Variants in PRKCZ observed in about 807,000 individuals in gnomAD.
The protein encoded by PRKCZ is protein kinase C zeta, also known as protein kinase C zeta type.
In PRKCZ, 33 loss-of-function variants were observed where a neutral mutation model predicts 79.5. The observed-to-expected ratio is 0.41, with a 90% CI of 0.31 to 0.55. The LOEUF (loss-of-function observed/expected upper bound fraction) is 0.55. Ranked by LOEUF, PRKCZ falls within the 20% of genes least tolerant of loss-of-function variation. The pLI is 0.19. For synonymous variants in PRKCZ, 342 were observed against 320.9 expected (o/e 1.07, Z -0.70); for missense variants, 578 against 813.5 (o/e 0.71, Z 3.52).
intron 4 of PRKCZ, among the ~76,000 whole-genome samples, chr1:2,108,644 G>A (rs903633063): frequency 6.6e-6 from 1 of 152,234 alleles, no homozygotes; most frequent in Admixed American, 6.5e-5. Flanking sequence ...TTGAGTAGTT[G>A]GCCTGGTGGC....
chr1:2,055,817 A>G (rs747593007), intron 2 of PRKCZ: 21 of 443,452 alleles, frequency 4.7e-5, no homozygotes, highest in Non-Finnish European at 7.9e-5. Flanking sequence ...TCCCTGCCCC[A>G]CCCTGGGCAG....
chr1:2,092,359 G>A (rs1488947369), intron 4 of PRKCZ, among the ~76,000 whole-genome samples: 1 of 152,178 alleles, frequency 6.6e-6, no homozygotes, highest in East Asian at 1.9e-4. Flanking sequence ...GGAGTCCGAC[G>A]TTCCCGCCTC....
intron 4 of PRKCZ, among the ~76,000 whole-genome samples, chr1:2,101,608 G>A (rs572213100): frequency 6.6e-6 from 1 of 152,328 alleles, no homozygotes; most frequent in East Asian, 1.9e-4. Context: ...CAGGGCCCGG[G>A]GCAAAGGTCT....
In PRKCZ at chr1:2,082,106, A is replaced by C; in HGVS notation, c.334+22515A>C. 3.2e-6 allele frequency: 1 copy of C among 313,994 alleles called. No individual in the cohort carries two copies. The highest frequency in any genetic ancestry group is 2.6e-5 in the South Asian group (1 of 37,870). 19.5% of individuals were successfully genotyped at this position (313,994 alleles called of 1,614,324 possible). On this transcript the variant is annotated intron_variant, in intron 4 of 17. Transcript: ENST00000378567. This position sits in a 1 kb window ranked among gnomAD's most constrained non-coding sequence, Gnocchi z 4.4. The stretch of plus-strand genomic sequence containing the variant: ...ACACAGTCGTGCCAAGAAGGCGCCT[A>C]AGTGTCTTTCCACACGGCCATCCGA...
chr1:2,164,079 G>A (rs902908266), intron 10 of PRKCZ, among the ~76,000 whole-genome samples: 12 of 152,164 alleles, frequency 7.9e-5, no homozygotes, highest in Non-Finnish European at 1.6e-4. Flanking sequence ...CCCTGTCTTA[G>A]TGTGCTACTC....
At position 2,149,573 on chromosome 1, in the gene PRKCZ, A is replaced by G. The variant is rs763322766; in HGVS notation, c.687+649A>G. On this transcript the variant is annotated intron_variant, in intron 8 of 17. Transcript: ENST00000378567. The surrounding 1 kb of genome is among the most constrained non-coding windows in gnomAD (Gnocchi z 4.1). Reference sequence around the variant, plus strand: ...GAGGCCGGGGCACTTAGAAAGCAGAATCTGAGGCTGAGCACGGCGACTCAC... The same window carrying G: ...GAGGCCGGGGCACTTAGAAAGCAGAGTCTGAGGCTGAGCACGGCGACTCAC... Among the ~76,000 whole-genome samples the G allele has an allele frequency of 1.3e-5, 2 of 152,196 alleles. No individual in the cohort carries two copies. The highest frequency in any genetic ancestry group is 2.9e-5 in the Non-Finnish European group (2 of 68,036).
In PRKCZ at chr1:2,084,103, G is replaced by A. The variant is rs34164321; in HGVS notation, c.334+24512G>A. Reference sequence around the variant, plus strand: ...AAAAATTAGCCGGGCATGCATGGTGGCGGATGCCTGTAATTAATCCTAGCT... The same window carrying A: ...AAAAATTAGCCGGGCATGCATGGTGACGGATGCCTGTAATTAATCCTAGCT... On this transcript the variant is annotated intron_variant, in intron 4 of 17. Coordinates refer to ENST00000378567, the MANE Select transcript of PRKCZ (RefSeq NM_002744.6). Among the ~76,000 whole-genome samples, 381 of 152,282 alleles carry A rather than the reference G, an allele frequency of 2.5e-3. 1 individual carries two copies. The highest frequency in any genetic ancestry group is 6.8e-3 in the Middle Eastern group (2 of 294).
Position 2,174,952 on chromosome 1 carries a change from T to C in PRKCZ, c.1485+119T>C, listed in dbSNP as rs1019672328. 5.6e-6 allele frequency: 6 copies of C among 1,075,102 alleles called. No individual in the cohort carries two copies. In the Admixed American group the frequency reaches 1.2e-4, roughly 21 times the overall value. 66.6% of individuals were successfully genotyped at this position (1,075,102 alleles called of 1,614,324 possible). A position where few individuals can be genotyped will look rare whatever the true frequency, so the allele number is the denominator to read the frequency against. ...GGCTGCTGTGTATCGGGTGTGTGGG[T>C]TGATTTTCCGCTTCAGTATTTGAGC... On this transcript the variant is annotated intron_variant, in intron 15 of 17. Coordinates refer to ENST00000378567, the MANE Select transcript of PRKCZ (RefSeq NM_002744.6). This position sits in a 1 kb window ranked among gnomAD's most constrained non-coding sequence, Gnocchi z 6.2.
chr1:2,055,875 C>T (rs1356536607), intron 2 of PRKCZ: 5 of 278,466 alleles, frequency 1.8e-5, no homozygotes, highest in South Asian at 1.7e-4. Context: ...TGGCCTTTTT[C>T]GGTAGGTGCT....
intron 4 of PRKCZ, among the ~76,000 whole-genome samples, chr1:2,120,518 G>T (rs1671685041): frequency 6.6e-6 from 1 of 151,742 alleles, no homozygotes; most frequent in Admixed American, 6.6e-5. Flanking sequence ...GACCAGGCTG[G>T]TCTGGAACTC....
intron 5 of PRKCZ, among the ~76,000 whole-genome samples, chr1:2,139,854 G>T (rs1455565745): frequency 1.3e-5 from 2 of 152,196 alleles, no homozygotes; most frequent in African/African-American, 4.8e-5. Context: ...TACTCCCTTT[G>T]CTGTGAACAA....
chr1:2,068,236 G>C (rs1049503964), intron 4 of PRKCZ, among the ~76,000 whole-genome samples: 4 of 152,208 alleles, frequency 2.6e-5, no homozygotes, highest in African/African-American at 9.6e-5. Flanking sequence ...GCCCGGCTTC[G>C]ATGCGGCCAT....
At chr1:2,107,233 C>T (rs761480213) in intron 4 of PRKCZ, among the ~76,000 whole-genome samples, 3 of 152,246 alleles carry the variant, frequency 2.0e-5, no homozygotes, top group African/African-American at 7.2e-5. Flanking sequence ...GGCTGCCTTC[C>T]GTGGCTGTGT....
Position 2,174,124 on chromosome 1 carries a change from T to G in PRKCZ, c.1405+108T>G. The G allele has an allele frequency of 7.4e-7, 1 of 1,360,316 alleles. No homozygotes were observed. Among genetic ancestry groups the G allele is most frequent in the Non-Finnish European group, 9.8e-7 (1 of 1,021,716 alleles). The allele number at this position is 1,360,316 out of a possible 1,614,324, so 84.3% of individuals were successfully genotyped here. Reference sequence around the variant, plus strand: ...GCGGGTGCCTGGAGCGGCAGTGCCATGCAAAGCGTACCGGGAACCATTCCT... The same window carrying G: ...GCGGGTGCCTGGAGCGGCAGTGCCAGGCAAAGCGTACCGGGAACCATTCCT... On this transcript the variant is annotated intron_variant, in intron 14 of 17. Coordinates refer to ENST00000378567, the MANE Select transcript of PRKCZ (RefSeq NM_002744.6). This position sits in a 1 kb window ranked among gnomAD's most constrained non-coding sequence, Gnocchi z 6.2.
chr1:2,100,545 A>T (rs369256204), intron 4 of PRKCZ, among the ~76,000 whole-genome samples: 30 of 152,360 alleles, frequency 2.0e-4, no homozygotes, highest in African/African-American at 6.7e-4. Flanking sequence ...GATGTCTCTG[A>T]TACAGGAACT....
chr1:2,146,343 G>A (rs1022062350), intron 7 of PRKCZ, among the ~76,000 whole-genome samples: 50 of 152,232 alleles, frequency 3.3e-4, no homozygotes, highest in African/African-American at 1.2e-3. Flanking sequence ...GGGCAGGGAT[G>A]CCTCCGTGAA....
Position 2,083,886 on chromosome 1 carries a change from C to T in PRKCZ, c.334+24295C>T, listed in dbSNP as rs749315668. 7.9e-5 allele frequency among the ~76,000 whole-genome samples: 12 copies of T among 152,290 alleles called. No individual in the cohort carries two copies. The East Asian group carries it at 1.9e-3, about 24-fold the overall frequency. On this transcript the variant is annotated intron_variant, in intron 4 of 17. Transcript: ENST00000378567. ...CTTTCCTGCAGTTACCTTAAAAATC[C>T]GCTGGTCTCTTTTGCGCTCGAATAG...
In PRKCZ at chr1:2,185,124, T is replaced by G; in HGVS notation, c.*115T>G. ...TCCGAGGGCGGCCAGGGACAGACGCTTGCGCCGAGACCGCAGAGGGAAGCG... is the reference window on the plus strand; with the variant it reads ...TCCGAGGGCGGCCAGGGACAGACGCGTGCGCCGAGACCGCAGAGGGAAGCG... On this transcript the variant is annotated 3_prime_UTR_variant, in exon 18 of 18. Coordinates refer to ENST00000378567, the MANE Select transcript of PRKCZ (RefSeq NM_002744.6). 1 of 1,027,696 alleles carries G rather than the reference T, an allele frequency of 9.7e-7. No homozygotes were observed. The highest frequency in any genetic ancestry group is 2.1e-4 in the Middle Eastern group (1 of 4,838). 63.7% of individuals were successfully genotyped at this position (1,027,696 alleles called of 1,614,324 possible).
chr1:2,160,869 T>G (rs1276056706), intron 10 of PRKCZ, among the ~76,000 whole-genome samples: 1 of 151,548 alleles, frequency 6.6e-6, no homozygotes, highest in African/African-American at 2.4e-5. Flanking sequence ...GGGGTGATTG[T>G]GGTTGTGGGT....
Sources: gnomAD v4.1 joint callset for allele counts (sites outside exome capture counted in the v4.1 genomes callset) on GRCh38, gnomAD v4.1.1 for gene constraint, Gnocchi (gnomAD v3.1) non-coding constraint, MANE v1.5 for transcripts, NCBI Gene and HGNC (gene_info 2026-07-23, HGNC 2026-07-21) for gene names.